LRRC3C: variants seen among roughly 807,000 people sequenced by gnomAD.
LRRC3C encodes the protein leucine rich repeat containing 3C.
In LRRC3C, 11 loss-of-function variants were observed where a neutral mutation model predicts 14.8. That is an observed-to-expected ratio of 0.74 (90% CI 0.47 to 1.23). LRRC3C has a LOEUF of 1.23. Ranked by LOEUF, LRRC3C falls within the 50% of genes most tolerant of loss-of-function variation. LRRC3C has a pLI of 0.00. For missense variants in LRRC3C, 354 were observed against 361.8 expected (o/e 0.98, Z 0.18); for synonymous variants, 149 against 161.5 (o/e 0.92, Z 0.59).
chr17:39,939,879 T>C (rs937969394), intron 2 of LRRC3C, among the ~76,000 whole-genome samples: 1 of 152,196 alleles, frequency 6.6e-6, no homozygotes, highest in Admixed American at 6.5e-5. Context: ...GACACCCTAG[T>C]TCCACTCTTT....
chr17:39,937,860 G>A (rs544530977), intron 2 of LRRC3C, among the ~76,000 whole-genome samples: 6 of 152,186 alleles, frequency 3.9e-5, no homozygotes, highest in South Asian at 4.1e-4. Flanking sequence ...GGCCAGGCAC[G>A]GTGGCTCACT....
At chr17:39,931,933 G>A (rs1473140637) in intron 1 of LRRC3C, among the ~76,000 whole-genome samples, 1 of 152,152 alleles carries the variant, frequency 6.6e-6, no homozygotes, top group Non-Finnish European at 1.5e-5. Context: ...TTACAGGCAT[G>A]AGCCACCACG....
intron 2 of LRRC3C, 92 bp from the exon 3 acceptor site, chr17:39,941,351 A>C: frequency 4.5e-5 from 1 of 22,302 alleles, no homozygotes; most frequent in African/African-American, 6.0e-4. Context: ...ACTTTATCTA[A>C]AAAAAAAAAA....
intron 2 of LRRC3C, among the ~76,000 whole-genome samples, chr17:39,936,111 C>T (rs956264621): frequency 4.6e-5 from 7 of 152,248 alleles, no homozygotes; most frequent in East Asian, 1.9e-4. Flanking sequence ...CTCAGACTGC[C>T]GAGGGTGGGA....
chr17:39,932,365 A>G (rs146526174), intron 1 of LRRC3C, among the ~76,000 whole-genome samples: 75 of 152,288 alleles, frequency 4.9e-4, no homozygotes, highest in African/African-American at 1.6e-3. Context: ...TTTGAATGAT[A>G]TTTGAGCATC....
intron 3 of LRRC3C, 39 bp from the exon 4 acceptor site, chr17:39,943,894 T>C: frequency 6.5e-7 from 1 of 1,529,914 alleles, no homozygotes; most frequent in Non-Finnish European, 8.8e-7. Context: ...TGCGATTCTC[T>C]TGACTCACTC....
intron 2 of LRRC3C, chr17:39,939,516 A>G (rs1978884726): frequency 1.7e-6 from 1 of 574,394 alleles, no homozygotes; most frequent in Non-Finnish European, 2.2e-6. Flanking sequence ...TAATTGGTCC[A>G]GATGAAGCCC....
At chr17:39,943,141 A>G (rs1978982373) in intron 3 of LRRC3C, among the ~76,000 whole-genome samples, 1 of 152,166 alleles carries the variant, frequency 6.6e-6, no homozygotes, top group Non-Finnish European at 1.5e-5. Flanking sequence ...GCCCAGAGTC[A>G]CATGCCAGGA....
rs773463061 is a variant in LRRC3C at position 39,944,557 on chromosome 17, C to A, written c.651C>A (p.Ala217=). The change falls in exon 4 of 4, where the codon GCC becomes GCA. Residue 217 remains alanine, a synonymous_variant. Transcript: ENST00000377924. The stretch of plus-strand genomic sequence containing the variant: ...TGTGTGGGTCGGGGTGGGGTGGGGC[C>A]CGGAGGAGCACCGATGTGGCCCTGC... ...EELCGSGWGG[A]RRSTDVALLV... 1 of 1,524,876 alleles carries A rather than the reference C, an allele frequency of 6.6e-7. No homozygotes were observed. Among genetic ancestry groups the A allele is most frequent in the Admixed American group, 2.0e-5 (1 of 50,154 alleles). 94.5% of individuals were successfully genotyped at this position (1,524,876 alleles called of 1,614,324 possible).
chr17:39,930,442 G>A lies in LRRC3C; in HGVS notation c.-175+2628G>A, dbSNP rs140165839. ...AAAAAAAAAGGCCGGGCATGGTCAC[G>A]CATGCCTGTAACCCCAGTACTTTGG... On this transcript the variant is annotated intron_variant, in intron 1 of 3. Transcript: ENST00000377924. Among the ~76,000 whole-genome samples, 42 of 124,710 alleles carry A rather than the reference G, an allele frequency of 3.4e-4. 1 individual carries two copies. The highest frequency in any genetic ancestry group is 2.4e-3 in the Admixed American group (27 of 11,042). 81.8% of individuals were successfully genotyped at this position (124,710 alleles called of 152,430 possible).
intron 1 of LRRC3C, chr17:39,928,021 G>C (rs906481619): frequency 1.3e-5 from 4 of 308,198 alleles, no homozygotes; most frequent in Non-Finnish European, 1.9e-5. Context: ...CCCCAGATTG[G>C]CTCCTCCAGA....
intron 3 of LRRC3C, among the ~76,000 whole-genome samples, chr17:39,942,792 G>T (rs1249257584): frequency 6.6e-6 from 1 of 152,222 alleles, no homozygotes; most frequent in Non-Finnish European, 1.5e-5. Context: ...TGGCGTGAAA[G>T]AATGGCAGAA....
intron 1 of LRRC3C, chr17:39,929,049 C>T (rs1978571696): frequency 6.6e-6 from 1 of 152,238 alleles, no homozygotes. Context: ...GTGGAGGTGC[C>T]TTTCCTTATA....
rs1274431430 is a variant in LRRC3C, at chr17:39,944,393, C to A, written c.487C>A (p.His163Asn). ...IQVNLSANPWHCDCALQEVLR... is the reference protein window; with the variant it reads ...IQVNLSANPWNCDCALQEVLR... Reference sequence around the variant, plus strand: ...AGTGAACCTATCCGCAAACCCATGGCACTGTGACTGCGCCCTCCAGGAAGT... The same window carrying A: ...AGTGAACCTATCCGCAAACCCATGGAACTGTGACTGCGCCCTCCAGGAAGT... Residue 163 changes from histidine (H) to asparagine (N), a missense_variant, in exon 4 of 4, where the codon CAC becomes AAC. Coordinates refer to ENST00000377924, the MANE Select transcript of LRRC3C (RefSeq NM_001195545.2). 3 of 1,516,274 alleles carry A rather than the reference C, an allele frequency of 2.0e-6. No individual in the cohort carries two copies. Among genetic ancestry groups the A allele is most frequent in the Non-Finnish European group, 2.6e-6 (3 of 1,136,892 alleles). 93.9% of individuals were successfully genotyped at this position (1,516,274 alleles called of 1,614,324 possible).
At position 39,941,837 on chromosome 17, in the gene LRRC3C, C is replaced by T. The variant is rs147684216; in HGVS notation, c.26+288C>T. 3.5e-3 allele frequency among the ~76,000 whole-genome samples: 526 copies of T among 152,258 alleles called. 4 individuals are homozygous for T. Among genetic ancestry groups the T allele is most frequent in the African/African-American group, 0.011 (459 of 41,550 alleles). ...GGTCACATTCTGGGCCTCAGTTTAC[C>T]GGTCTGCAAACTAAGGAGGGATCAA... is the stretch of plus-strand genomic sequence containing the variant. On this transcript the variant is annotated intron_variant, in intron 3 of 3. Transcript: ENST00000377924.
chr17:39,938,143 A>G (rs945225554), intron 2 of LRRC3C, among the ~76,000 whole-genome samples: 3 of 152,030 alleles, frequency 2.0e-5, no homozygotes, highest in Non-Finnish European at 4.4e-5. Flanking sequence ...ACAAGAAAAA[A>G]AAATCTCCAT....
intron 2 of LRRC3C, 93 bp from the exon 3 acceptor site, chr17:39,941,349 TA>T (rs11344927): frequency 0.42 from 112,763 of 268,830 alleles, 16,918 homozygotes; most frequent in Admixed American, 0.52. Context: ...AGACTTTATC[TA>T]AAAAAAAAAA....
chr17:39,936,363 G>A (rs1311090345), intron 2 of LRRC3C, among the ~76,000 whole-genome samples: 4 of 152,152 alleles, frequency 2.6e-5, no homozygotes, highest in East Asian at 1.9e-4. Context: ...GAGACTCCCC[G>A]GTGATGGCTT....
chr17:39,944,130 C>T lies in LRRC3C; in HGVS notation c.224C>T (p.Ser75Phe). Reference sequence around the variant, plus strand: ...CAGGCAGGCCTCAGTGCTGTGCCCTCCGGCATCCCCAATGACACCCGCAAG... The same window carrying T: ...CAGGCAGGCCTCAGTGCTGTGCCCTTCGGCATCCCCAATGACACCCGCAAG... ...CSQAGLSAVP[S>F]GIPNDTRKLY... The change falls in exon 4 of 4, where the codon TCC becomes TTC. Residue 75 changes from serine to phenylalanine, a missense_variant. By Grantham distance (155) the Ser-to-Phe change is radical. Transcript: ENST00000377924. 1 of 1,536,232 alleles carries T rather than the reference C, an allele frequency of 6.5e-7. No homozygotes were observed. The highest frequency in any genetic ancestry group is 8.7e-7 in the Non-Finnish European group (1 of 1,146,940).
Sources: gnomAD v4.1 joint callset for allele counts (sites outside exome capture counted in the v4.1 genomes callset) on GRCh38, gnomAD v4.1.1 for gene constraint, MANE v1.5 for transcripts, NCBI Gene and HGNC (gene_info 2026-07-23, HGNC 2026-07-21) for gene names.